EDC3: variants seen among roughly 807,000 people sequenced by gnomAD.
The protein encoded by EDC3 is enhancer of mRNA-decapping protein 3.
In EDC3, 20 loss-of-function variants were observed where a neutral mutation model predicts 41.8. The ratio of observed to expected loss-of-function variants is 0.48; its 90% CI spans 0.34 to 0.70. The LOEUF (loss-of-function observed/expected upper bound fraction) is 0.70. Among genes scored for constraint, EDC3 ranks in the 30% least tolerant of loss-of-function variants. The pLI is 0.01. For synonymous variants in EDC3, 206 were observed against 243.2 expected, an observed-to-expected ratio of 0.85 and a Z score of 1.42; for missense variants, 444 against 636.8, an observed-to-expected ratio of 0.70 and a Z score of 3.26.
At chr15:74,691,382 CAT>C (rs1481938944) in intron 1 of EDC3, among the ~76,000 whole-genome samples, 1 of 151,972 alleles carries the variant, frequency 6.6e-6, no homozygotes, top group Non-Finnish European at 1.5e-5. Context: ...TGAGATAATC[CAT>C]ATAGTGTCTA....
intron 1 of EDC3, among the ~76,000 whole-genome samples, chr15:74,676,704 G>A (rs2141660191): frequency 6.6e-6 from 1 of 152,218 alleles, no homozygotes; most frequent in East Asian, 1.9e-4. Context: ...CAAATTAGGA[G>A]AAAATATTTG....
At chr15:74,689,498 T>C (rs2062977343) in intron 1 of EDC3, among the ~76,000 whole-genome samples, 1 of 152,176 alleles carries the variant, frequency 6.6e-6, no homozygotes, top group African/African-American at 2.4e-5. Context: ...TTTAGTCTTA[T>C]TTGTCTTCCT....
At chr15:74,650,937 G>A (rs1053111202) in intron 4 of EDC3, among the ~76,000 whole-genome samples, 8 of 152,152 alleles carry the variant, frequency 5.3e-5, no homozygotes, top group African/African-American at 1.7e-4. Context: ...GGTGGAGGTT[G>A]CAGTGAGCTG....
At chr15:74,682,138 C>T (rs1157409876) in intron 1 of EDC3, among the ~76,000 whole-genome samples, 1 of 152,076 alleles carries the variant, frequency 6.6e-6, no homozygotes, top group Non-Finnish European at 1.5e-5. Context: ...GGAAAACATC[C>T]TGGCAGGTTA....
intron 4 of EDC3, among the ~76,000 whole-genome samples, chr15:74,654,431 G>C (rs1180408826): frequency 6.6e-6 from 1 of 152,216 alleles, no homozygotes; most frequent in African/African-American, 2.4e-5. Context: ...ATAGTTGGCT[G>C]ATCTGGAGGA....
At chr15:74,634,008 C>T (rs952302413) in intron 6 of EDC3, among the ~76,000 whole-genome samples, 1 of 152,162 alleles carries the variant, frequency 6.6e-6, no homozygotes, top group Non-Finnish European at 1.5e-5. Context: ...AGGCTTTGCC[C>T]TTGACTCACT....
intron 4 of EDC3, chr15:74,644,850 G>A (rs528131764): frequency 2.6e-5 from 4 of 152,076 alleles, no homozygotes; most frequent in Admixed American, 1.3e-4. Flanking sequence ...TTATCTTTAC[G>A]AGGAAGAAAT....
intron 1 of EDC3, among the ~76,000 whole-genome samples, chr15:74,677,358 C>A (rs192141224): frequency 7.9e-4 from 109 of 137,614 alleles, no homozygotes; most frequent in African/African-American, 3.0e-3. Context: ...CCATGCCCAG[C>A]CTTTTTTTTT....
chr15:74,678,787 G>A (rs1485885247), intron 1 of EDC3, among the ~76,000 whole-genome samples: 2 of 151,598 alleles, frequency 1.3e-5, no homozygotes, highest in African/African-American at 4.9e-5. Context: ...CTACTCAAGA[G>A]GCTGAGGCAG....
rs1182208275 is a variant in EDC3, at chr15:74,632,991, A to G, written c.1193-45T>C. ...CATCTGAAAGTCCCTATGAGCAGAG[A>G]GCAGCCCAGGCTGGGACTAGGGCCC... On this transcript the variant is annotated intron_variant, in intron 6 of 6. Coordinates refer to ENST00000315127, the MANE Select transcript of EDC3 (RefSeq NM_025083.5). This position sits in a 1 kb window ranked among gnomAD's most constrained non-coding sequence, Gnocchi z 4.0. 6 of 1,593,686 alleles carry G rather than the reference A, an allele frequency of 3.8e-6. No individual in the cohort carries two copies. In the South Asian group the frequency reaches 5.6e-5, roughly 15 times the overall value.
intron 3 of EDC3, among the ~76,000 whole-genome samples, chr15:74,666,695 G>A (rs1401472349): frequency 2.0e-5 from 3 of 152,150 alleles, no homozygotes; most frequent in African/African-American, 7.2e-5. Context: ...GGGGGAAGTG[G>A]GGGAAGTTGA....
chr15:74,639,373 C>T (rs1183776025), intron 5 of EDC3: 1 of 152,220 alleles, frequency 6.6e-6, no homozygotes, highest in East Asian at 1.9e-4. Flanking sequence ...GCCATGGTCT[C>T]TCGATTCTCT....
At chr15:74,633,635 T>A (rs991657930) in intron 6 of EDC3, among the ~76,000 whole-genome samples, 3 of 152,186 alleles carry the variant, frequency 2.0e-5, no homozygotes, top group African/African-American at 7.2e-5. Flanking sequence ...AGTATGTAGA[T>A]CCTGTACTGG....
intron 4 of EDC3, chr15:74,641,424 T>C (rs1302213875): frequency 6.6e-6 from 1 of 152,634 alleles, no homozygotes; most frequent in Non-Finnish European, 1.5e-5. Context: ...AGCTGGTGTA[T>C]GTGAAGAAGT....
intron 3 of EDC3, among the ~76,000 whole-genome samples, chr15:74,656,762 C>T (rs1455167592): frequency 6.6e-6 from 1 of 152,134 alleles, no homozygotes; most frequent in East Asian, 1.9e-4. Flanking sequence ...TTTCTTAAAC[C>T]ACCCATGGCT....
chr15:74,669,855 G>T (rs1219266351), intron 3 of EDC3, among the ~76,000 whole-genome samples: 1 of 151,846 alleles, frequency 6.6e-6, no homozygotes, highest in Non-Finnish European at 1.5e-5. Flanking sequence ...TCTTTTGGTT[G>T]TTCATTTTGA....
At chr15:74,690,340 G>A (rs115804867) in intron 1 of EDC3, among the ~76,000 whole-genome samples, 3,731 of 152,270 alleles carry the variant, frequency 0.025, 148 homozygotes, top group African/African-American at 0.086. Flanking sequence ...ATTCTGATAA[G>A]CCTTTGGATA....
chr15:74,664,895 T>C (rs1434805707), intron 3 of EDC3, among the ~76,000 whole-genome samples: 1 of 152,194 alleles, frequency 6.6e-6, no homozygotes, highest in Non-Finnish European at 1.5e-5. Context: ...TTTAAAAGGT[T>C]CAATTCCATC....
chr15:74,670,437 T>C (rs1404077277), intron 3 of EDC3, among the ~76,000 whole-genome samples: 1 of 152,100 alleles, frequency 6.6e-6, no homozygotes, highest in Non-Finnish European at 1.5e-5. Context: ...TATTTTATAT[T>C]ATTTATTTTA....
Sources: gnomAD v4.1 joint callset for allele counts (sites outside exome capture counted in the v4.1 genomes callset) on GRCh38, gnomAD v4.1.1 for gene constraint, Gnocchi (gnomAD v3.1) non-coding constraint, MANE v1.5 for transcripts, NCBI Gene and HGNC (gene_info 2026-07-23, HGNC 2026-07-21) for gene names.